KITLG: variants seen among roughly 807,000 people sequenced by gnomAD.
KITLG encodes the protein c-Kit ligand.
A neutral mutation model predicts 34.1 loss-of-function variants in KITLG; 13 were observed. The observed-to-expected ratio is 0.38, with a 90% CI of 0.25 to 0.61. The LOEUF (loss-of-function observed/expected upper bound fraction) is 0.61. Ranked by LOEUF, KITLG falls within the 20% of genes least tolerant of loss-of-function variation. The probability of loss-of-function intolerance (pLI) is 0.60; values close to 1 mark genes in which losing one functional copy is unlikely to be tolerated. For missense variants in KITLG, 292 were observed against 318.9 expected (o/e 0.92, Z 0.64); for synonymous variants, 110 against 104.0 (o/e 1.06, Z -0.35).
At chr12:88,571,556 A>T (rs964544968) in intron 1 of KITLG, among the ~76,000 whole-genome samples, 3 of 152,200 alleles carry the variant, frequency 2.0e-5, no homozygotes, top group Non-Finnish European at 4.4e-5. Context: ...TGTGTGTATA[A>T]CAGACCTAGC....
intron 2 of KITLG, among the ~76,000 whole-genome samples, chr12:88,539,227 G>A (rs145149997): frequency 1.8e-3 from 281 of 152,210 alleles, no homozygotes; most frequent in African/African-American, 6.5e-3. Context: ...GGACATCTTT[G>A]CAAGACCCTT....
intron 2 of KITLG, among the ~76,000 whole-genome samples, chr12:88,541,814 A>AT (rs1870529190): frequency 6.7e-6 from 1 of 149,860 alleles, no homozygotes; most frequent in African/African-American, 2.5e-5. Flanking sequence ...TCAAGAAGAA[A>AT]TTAAAAAAAA....
intron 4 of KITLG, among the ~76,000 whole-genome samples, chr12:88,518,426 AAGATAAAGGCAGGAC>A: frequency 6.6e-6 from 1 of 152,322 alleles, no homozygotes; most frequent in South Asian, 2.1e-4. Flanking sequence ...ATGAAGAATA[AAGATAAAGGCAGGAC>A]TGATTTTGCA....
At chr12:88,537,933 G>A (rs1870388178) in intron 2 of KITLG, among the ~76,000 whole-genome samples, 1 of 152,152 alleles carries the variant, frequency 6.6e-6, no homozygotes, top group Non-Finnish European at 1.5e-5. Flanking sequence ...GACCACTCAG[G>A]TTGGATCCTG....
chr12:88,565,515 C>T (rs1871414590), intron 1 of KITLG, among the ~76,000 whole-genome samples: 1 of 152,110 alleles, frequency 6.6e-6, no homozygotes, highest in African/African-American at 2.4e-5. Context: ...ATCCCAGCTA[C>T]TCAGGAGGCT....
At chr12:88,525,646 T>C (rs896448216) in intron 3 of KITLG, among the ~76,000 whole-genome samples, 5 of 152,322 alleles carry the variant, frequency 3.3e-5, no homozygotes, top group East Asian at 1.9e-4. Flanking sequence ...GAGACAAATA[T>C]ATAACACTTA....
chr12:88,580,133 C>T, intron 1 of KITLG, 131 bp downstream of exon 1: 1 of 986,094 alleles, frequency 1.0e-6, no homozygotes. Context: ...TCCCCCGCAT[C>T]CTCTTGTCTC....
chr12:88,502,802 T>C (rs1284158979), intron 9 of KITLG, among the ~76,000 whole-genome samples: 2 of 152,102 alleles, frequency 1.3e-5, no homozygotes, highest in Non-Finnish European at 2.9e-5. Flanking sequence ...ACAGAGGACA[T>C]TACTTGAGCA....
intron 1 of KITLG, among the ~76,000 whole-genome samples, chr12:88,570,665 T>C (rs1871618365): frequency 6.6e-6 from 1 of 152,176 alleles, no homozygotes; most frequent in African/African-American, 2.4e-5. Flanking sequence ...TGGCTTCAAA[T>C]ACAAACTCTT....
At chr12:88,578,021 G>T (rs1412235973) in intron 1 of KITLG, among the ~76,000 whole-genome samples, 1 of 152,070 alleles carries the variant, frequency 6.6e-6, no homozygotes, top group Non-Finnish European at 1.5e-5. Context: ...ATTCTTCCCT[G>T]GTGAGGATAA....
At chr12:88,524,042 G>A (rs754616801) in intron 3 of KITLG, among the ~76,000 whole-genome samples, 96 of 152,280 alleles carry the variant, frequency 6.3e-4, no homozygotes, top group Non-Finnish European at 7.2e-4. Context: ...GGGCAGCAAC[G>A]ATGAACTAGA....
chr12:88,515,502 A>C, intron 6 of KITLG, 32 bp downstream of exon 6: 2 of 1,330,478 alleles, frequency 1.5e-6, no homozygotes, highest in Non-Finnish European at 2.2e-6. Context: ...AATTGGAGCC[A>C]TGCATGCATT....
intron 9 of KITLG, among the ~76,000 whole-genome samples, chr12:88,502,681 G>A (rs138922754): frequency 1.5e-3 from 228 of 152,222 alleles, no homozygotes; most frequent in African/African-American, 5.2e-3. Flanking sequence ...CTGGGTTTCC[G>A]TATCCTAATC....
rs148296742 is a variant in KITLG at position 88,579,541 on chromosome 12, T to C, written c.15+723A>G. 7.5e-3 allele frequency among the ~76,000 whole-genome samples: 1,146 copies of C among 152,302 alleles called. 4 individuals are homozygous for C. Among genetic ancestry groups the C allele is most frequent in the Non-Finnish European group, 0.01 (709 of 68,006 alleles). Reference sequence around the variant, plus strand: ...TGTATAATGCAGAATTTAGCAGCACTGGGAATTATCTCAATCACTATCATT... The same window carrying C: ...TGTATAATGCAGAATTTAGCAGCACCGGGAATTATCTCAATCACTATCATT... On this transcript the variant is annotated intron_variant, in intron 1 of 9. Coordinates refer to ENST00000644744, the MANE Select transcript of KITLG (RefSeq NM_000899.5).
intron 2 of KITLG, among the ~76,000 whole-genome samples, chr12:88,541,323 CT>C (rs1295715310): frequency 6.6e-6 from 1 of 151,972 alleles, no homozygotes; most frequent in Non-Finnish European, 1.5e-5. Flanking sequence ...GTAATTTCAC[CT>C]TTACGAGATG....
chr12:88,529,089 C>T (rs4842475), intron 3 of KITLG, among the ~76,000 whole-genome samples: 12,847 of 152,152 alleles, frequency 0.084, 574 homozygotes, highest in Non-Finnish European at 0.1. Context: ...TGTATGGTTG[C>T]ATCAAAATAT....
intron 4 of KITLG, 53 bp downstream of exon 4, chr12:88,518,644 A>G (rs1012829230): frequency 2.1e-6 from 3 of 1,414,888 alleles, no homozygotes; most frequent in South Asian, 1.2e-5. Flanking sequence ...ACCAAGAAGC[A>G]TGGGTTTTTA....
chr12:88,534,828 C>A, intron 2 of KITLG: 1 of 369,246 alleles, frequency 2.7e-6, no homozygotes. Flanking sequence ...TCTTCATCCT[C>A]ATCTTTGAAA....
rs199724805 is a variant in KITLG at position 88,569,942 on chromosome 12, C to T, written c.15+10322G>A. On this transcript the variant is annotated intron_variant, in intron 1 of 9. Coordinates refer to ENST00000644744, the MANE Select transcript of KITLG (RefSeq NM_000899.5). ...TAAGAAATGAACAAAACAAAGGCCA[C>T]AATATAAATGGCTGGTAGCTTTAAA... Among the ~76,000 whole-genome samples, 6 of 152,028 alleles carry T rather than the reference C, an allele frequency of 3.9e-5. No homozygotes were observed. The East Asian group carries it at 9.7e-4, about 25-fold the overall frequency.
Sources: allele counts gnomAD v4.1 joint callset (sites outside exome capture counted in the v4.1 genomes callset), GRCh38; gene constraint gnomAD v4.1.1; transcripts MANE v1.5; gene names NCBI Gene and HGNC (gene_info 2026-07-23, HGNC 2026-07-21).